The following NECTIN1 variants were observed in gnomAD, a reference collection of about 807,000 sequenced individuals.
The protein encoded by NECTIN1 is nectin-1.
In NECTIN1, 23 loss-of-function variants were observed where a neutral mutation model predicts 48.0. The ratio of observed to expected loss-of-function variants is 0.48; its 90% CI spans 0.34 to 0.68. NECTIN1 has a LOEUF of 0.68. NECTIN1 is among the 30% of genes least tolerant of loss of function. The pLI is 0.01. For synonymous variants in NECTIN1, 270 were observed against 288.9 expected (o/e 0.93, Z 0.66); for missense variants, 591 against 709.9 (o/e 0.83, Z 1.90).
chr11:119,654,765 T>C (rs1864544863), intron 5 of NECTIN1, among the ~76,000 whole-genome samples: 1 of 151,430 alleles, frequency 6.6e-6, no homozygotes, highest in African/African-American at 2.4e-5. Context: ...AGAGATGGGG[T>C]TTCCCATATT....
intron 5 of NECTIN1, among the ~76,000 whole-genome samples, chr11:119,644,112 G>C (rs1327181484): frequency 6.6e-6 from 1 of 152,210 alleles, no homozygotes; most frequent in East Asian, 1.9e-4. Context: ...CGCAAGGATG[G>C]CCTCTGGGGG....
intron 1 of NECTIN1, among the ~76,000 whole-genome samples, chr11:119,719,115 G>A (rs917198076): frequency 7.9e-5 from 12 of 152,086 alleles, no homozygotes; most frequent in African/African-American, 2.9e-4. Flanking sequence ...GCGTCATGTC[G>A]GCCTCCAAAA....
At chr11:119,656,001 G>A (rs565010571), downstream of NECTIN1, among the ~76,000 whole-genome samples, 14 of 152,218 alleles carry the variant, frequency 9.2e-5, no homozygotes, top group South Asian at 2.7e-3. Flanking sequence ...GGGCTCAAGC[G>A]ATCCTCCCAC....
chr11:119,696,816 G>A (rs931489884), intron 1 of NECTIN1, among the ~76,000 whole-genome samples: 29 of 152,182 alleles, frequency 1.9e-4, no homozygotes, highest in African/African-American at 7.0e-4. Context: ...GACTGCAGGC[G>A]GCATAGGGGC....
rs999824639 is a variant in NECTIN1, at chr11:119,677,192, A to T, written c.761T>A (p.Phe254Tyr). ...CCGCTGCAGGTACCAGTTGCCATCA[A>T]ACCCCTCAATGGTTACCTCAGGCTC... ...QYEPEVTIEG[F>Y]DGNWYLQRMD... Residue 254 changes from phenylalanine (F) to tyrosine (Y), a missense_variant, in exon 4 of 6, where the codon TTT becomes TAT. Phe to Tyr is a conservative substitution (Grantham distance 22). Coordinates refer to ENST00000264025, the MANE Select transcript of NECTIN1 (RefSeq NM_002855.5). This position sits in a 1 kb window ranked among gnomAD's most constrained non-coding sequence, Gnocchi z 5.4. 2 of 1,614,126 alleles carry T rather than the reference A, an allele frequency of 1.2e-6. No homozygotes were observed. The highest frequency in any genetic ancestry group is 1.6e-4 in the Middle Eastern group (1 of 6,062).
rs568601609 is a variant in NECTIN1, at chr11:119,711,251, G to T, written c.79+17224C>A. On this transcript the variant is annotated intron_variant, in intron 1 of 5. Transcript: ENST00000264025. ...TTAAAAATACAAAAATTAGCCAGGC[G>T]TGGTGGTGGGTGCCTGTAATCCCAG... Among the ~76,000 whole-genome samples, 4 of 152,106 alleles carry T rather than the reference G, an allele frequency of 2.6e-5. No individual in the cohort carries two copies. In the East Asian group the frequency reaches 5.8e-4, roughly 22 times the overall value.
chr11:119,677,179 C>T lies in NECTIN1; in HGVS notation c.774G>A (p.Trp258Ter). The T allele has an allele frequency of 6.2e-7, 1 of 1,614,094 alleles. No individual in the cohort carries two copies. Among genetic ancestry groups the T allele is most frequent in the Non-Finnish European group, 8.5e-7 (1 of 1,180,028 alleles). The change falls in exon 4 of 6, where the codon TGG becomes TGA. Residue 258 changes from tryptophan (W) to a stop codon, truncating the protein, a stop_gained. Transcript: ENST00000264025. LOFTEE classifies it high-confidence loss of function. The surrounding 1 kb of genome is among the most constrained non-coding windows in gnomAD (Gnocchi z 5.4). ...EVTIEGFDGN[W>*]YLQRMDVKLT... ...GCTTCACGTCCATCCGCTGCAGGTA[C>T]CAGTTGCCATCAAACCCCTCAATGG...
chr11:119,658,739 T>C (rs1355626289), downstream of NECTIN1, among the ~76,000 whole-genome samples: 1 of 152,196 alleles, frequency 6.6e-6, no homozygotes, highest in East Asian at 1.9e-4. Flanking sequence ...CTGGGGGTTC[T>C]TGCTACTTTG....
At chr11:119,721,142 CCT>C (rs1257747116) in intron 1 of NECTIN1, among the ~76,000 whole-genome samples, 1 of 152,334 alleles carries the variant, frequency 6.6e-6, no homozygotes, top group East Asian at 1.9e-4. Context: ...TGTTCTGTCC[CCT>C]GTCCCCAAGG....
downstream of NECTIN1, chr11:119,659,419 C>T (rs34953153): frequency 0.06 from 9,149 of 152,346 alleles, 383 homozygotes; most frequent in Non-Finnish European, 0.089. Context: ...TGGGCACATC[C>T]CAGGGGGGAA....
downstream of NECTIN1, among the ~76,000 whole-genome samples, chr11:119,657,771 A>ATAATAATAC (rs1864599034): frequency 6.8e-6 from 1 of 146,786 alleles, no homozygotes; most frequent in East Asian, 2.0e-4. Context: ...AATAATAATA[A>ATAATAATAC]TAATACTAGC....
chr11:119,648,315 G>A (rs1326018856), intron 5 of NECTIN1, among the ~76,000 whole-genome samples: 2 of 41,634 alleles, frequency 4.8e-5, no homozygotes, highest in East Asian at 1.1e-3. Flanking sequence ...TGATGGTGGT[G>A]ATGGTGATGG....
chr11:119,679,241 T>C (rs773750437), intron 1 of NECTIN1, among the ~76,000 whole-genome samples: 2 of 152,194 alleles, frequency 1.3e-5, no homozygotes, highest in Non-Finnish European at 2.9e-5. Flanking sequence ...TCCTCTGTTA[T>C]ATGGGGTGGA....
intron 1 of NECTIN1, among the ~76,000 whole-genome samples, chr11:119,726,550 G>A (rs776616980): frequency 8.5e-5 from 13 of 152,180 alleles, no homozygotes; most frequent in Non-Finnish European, 1.6e-4. Context: ...TTTTGGCAGG[G>A]GTTGTATCCA....
chr11:119,722,207 C>T (rs184336385), intron 1 of NECTIN1, among the ~76,000 whole-genome samples: 2 of 152,222 alleles, frequency 1.3e-5, no homozygotes, highest in Non-Finnish European at 2.9e-5. Flanking sequence ...GGAACTAATA[C>T]AACACTAATG....
chr11:119,674,015 A>G (rs1864903500), intron 5 of NECTIN1, among the ~76,000 whole-genome samples: 3 of 152,328 alleles, frequency 2.0e-5, no homozygotes, highest in Admixed American at 1.3e-4. Context: ...AGGTAGGCGC[A>G]GACCCTGGAC....
chr11:119,662,504 T>C lies in NECTIN1; in HGVS notation c.*2243A>G. ...TGTCTTAAGGGGGAACTCAGTGCTT[T>C]GGCTGGGCTTGGGGCCTTCAAAGTC... On this transcript the variant is annotated 3_prime_UTR_variant, in exon 6 of 6. Coordinates refer to ENST00000264025, the MANE Select transcript of NECTIN1 (RefSeq NM_002855.5). The surrounding 1 kb of genome is among the most constrained non-coding windows in gnomAD (Gnocchi z 5.3). 1 of 985,762 alleles carries C rather than the reference T, an allele frequency of 1.0e-6. No individual in the cohort carries two copies. Among genetic ancestry groups the C allele is most frequent in the Non-Finnish European group, 1.2e-6 (1 of 829,992 alleles). The allele number at this position is 985,762 out of a possible 1,614,324, so 61.1% of individuals were successfully genotyped here.
At chr11:119,704,368 C>T (rs1317399583) in intron 1 of NECTIN1, among the ~76,000 whole-genome samples, 3 of 152,080 alleles carry the variant, frequency 2.0e-5, no homozygotes, top group Non-Finnish European at 4.4e-5. Context: ...TTATAGGCAC[C>T]CACCATCACG....
intron 5 of NECTIN1, among the ~76,000 whole-genome samples, chr11:119,647,412 G>A (rs1490148219): frequency 6.6e-6 from 1 of 152,018 alleles, no homozygotes; most frequent in East Asian, 1.9e-4. Flanking sequence ...CCCCCTCCAA[G>A]CTCAGGCCCA....
Sources: allele counts gnomAD v4.1 joint callset (sites outside exome capture counted in the v4.1 genomes callset), GRCh38; gene constraint gnomAD v4.1.1; non-coding constraint Gnocchi (gnomAD v3.1); transcripts MANE v1.5; gene names NCBI Gene and HGNC (gene_info 2026-07-23, HGNC 2026-07-21).